The following SMYD3 variants were observed in gnomAD, a reference collection of about 807,000 sequenced individuals.
SMYD3 encodes SET and MYND domain containing 3.
In SMYD3, 36 loss-of-function variants were observed where a neutral mutation model predicts 57.7. That is an observed-to-expected ratio of 0.62 (90% CI 0.48 to 0.82). The LOEUF is 0.82. SMYD3 is among the 40% of genes least tolerant of loss of function. The pLI, the probability that SMYD3 is intolerant of heterozygous loss-of-function variation, is 0.00. For missense variants in SMYD3, 515 were observed against 538.8 expected (o/e 0.96, Z 0.44); for synonymous variants, 211 against 195.0 (o/e 1.08, Z -0.68).
rs143405981 is a variant in SMYD3 at position 245,761,582 on chromosome 1, A to G, written c.1185+2459T>C. ...TAAGAAGCAATCTAAATCTTCTCTG[A>G]TTTCTCTCCCATATTTTTCCCTGAG... On this transcript the variant is annotated intron_variant, in intron 11 of 11. Transcript: ENST00000490107. Among the ~76,000 whole-genome samples the G allele has an allele frequency of 7.2e-5, 11 of 152,174 alleles. No individual in the cohort carries two copies. In the East Asian group the frequency reaches 1.7e-3, roughly 24 times the overall value.
chr1:246,169,409 T>C (rs1254319162), intron 5 of SMYD3, among the ~76,000 whole-genome samples: 1 of 112,116 alleles, frequency 8.9e-6, no homozygotes, highest in Non-Finnish European at 1.8e-5. Context: ...AAAAAACCTC[T>C]AACAATATAT....
Position 246,343,516 on chromosome 1 carries a change from G to A in SMYD3, c.229-8042C>T, listed in dbSNP as rs2065663382. 2.0e-5 allele frequency among the ~76,000 whole-genome samples: 3 copies of A among 152,286 alleles called. No homozygotes were observed. The South Asian group carries it at 6.2e-4, about 32-fold the overall frequency. Reference sequence around the variant, plus strand: ...CACATGTAGGGACAGTCCCATCTGAGAGGGAAGGTCAGCCTGCCAAGCAGA... The same window carrying A: ...CACATGTAGGGACAGTCCCATCTGAAAGGGAAGGTCAGCCTGCCAAGCAGA... On this transcript the variant is annotated intron_variant, in intron 2 of 11. Transcript: ENST00000490107.
chr1:246,316,803 G>A (rs1443272718), intron 5 of SMYD3, among the ~76,000 whole-genome samples: 2 of 150,814 alleles, frequency 1.3e-5, no homozygotes, highest in South Asian at 4.2e-4. Context: ...AGACCATCCT[G>A]GCCAACATGG....
chr1:245,909,948 T>A (rs946911637), intron 8 of SMYD3, among the ~76,000 whole-genome samples: 1 of 152,106 alleles, frequency 6.6e-6, no homozygotes, highest in Non-Finnish European at 1.5e-5. Context: ...AACACAGTAC[T>A]GGAATTCCTA....
intron 1 of SMYD3, among the ~76,000 whole-genome samples, chr1:246,402,779 G>C: frequency 6.6e-6 from 1 of 152,202 alleles, no homozygotes; most frequent in Non-Finnish European, 1.5e-5. Flanking sequence ...ATAGCCACCT[G>C]CAACGAGCAA....
intron 5 of SMYD3, among the ~76,000 whole-genome samples, chr1:246,239,736 A>G (rs1309500485): frequency 3.9e-5 from 6 of 151,944 alleles, no homozygotes; most frequent in African/African-American, 1.5e-4. Context: ...ATTTCTCCAC[A>G]TCTTCTCCAG....
At chr1:246,221,593 C>T (rs1040817393) in intron 5 of SMYD3, among the ~76,000 whole-genome samples, 20 of 152,188 alleles carry the variant, frequency 1.3e-4, no homozygotes, top group African/African-American at 3.9e-4. Flanking sequence ...CCACATTCCC[C>T]GGTGCCAGAC....
intron 5 of SMYD3, among the ~76,000 whole-genome samples, chr1:246,255,741 G>T (rs906216397): frequency 6.7e-6 from 1 of 149,090 alleles, no homozygotes; most frequent in Non-Finnish European, 1.5e-5. Flanking sequence ...ACATCTGGCA[G>T]AATCTGGCAG....
chr1:246,220,556 T>G (rs72774461), intron 5 of SMYD3, among the ~76,000 whole-genome samples: 27,017 of 152,108 alleles, frequency 0.18, 2,784 homozygotes, highest in East Asian at 0.34. Flanking sequence ...CTGCCTGGCT[T>G]CTCTCTGCTA....
chr1:246,064,650 C>A (rs936490056), intron 5 of SMYD3, among the ~76,000 whole-genome samples: 2 of 152,202 alleles, frequency 1.3e-5, no homozygotes, highest in Non-Finnish European at 2.9e-5. Context: ...GGTGGGACTG[C>A]GTATCCCCAG....
intron 5 of SMYD3, among the ~76,000 whole-genome samples, chr1:246,173,389 A>C (rs1286358859): frequency 1.3e-5 from 2 of 152,222 alleles, no homozygotes; most frequent in Non-Finnish European, 1.5e-5. Flanking sequence ...ACATTTATTA[A>C]AAATCTTTTT....
intron 10 of SMYD3, among the ~76,000 whole-genome samples, chr1:245,784,579 G>A (rs1172609761): frequency 6.6e-6 from 1 of 152,070 alleles, no homozygotes; most frequent in African/African-American, 2.4e-5. Flanking sequence ...ACCAAAAAAT[G>A]AACTCAAGCA....
At chr1:245,801,231 GT>G (rs1363033425) in intron 10 of SMYD3, among the ~76,000 whole-genome samples, 1 of 152,196 alleles carries the variant, frequency 6.6e-6, no homozygotes, top group Admixed American at 6.5e-5. Context: ...TTAAAAATGT[GT>G]TTGATGCTTT....
intron 5 of SMYD3, among the ~76,000 whole-genome samples, chr1:246,170,721 G>A (rs953838160): frequency 6.6e-6 from 1 of 151,958 alleles, no homozygotes; most frequent in African/African-American, 2.4e-5. Flanking sequence ...TCTTCCAAAT[G>A]AACACTAAAA....
intron 5 of SMYD3, among the ~76,000 whole-genome samples, chr1:246,233,108 T>G (rs2063444935): frequency 1.5e-5 from 2 of 130,536 alleles, no homozygotes; most frequent in Admixed American, 7.8e-5. Context: ...ACTCCTTCAA[T>G]CCACACTGTG....
intron 5 of SMYD3, among the ~76,000 whole-genome samples, chr1:245,969,430 A>G (rs888228661): frequency 1.3e-5 from 2 of 152,212 alleles, no homozygotes; most frequent in African/African-American, 4.8e-5. Flanking sequence ...CACTAAGCAA[A>G]GCCTCGCTTG....
rs1056368920 is a variant in SMYD3 at position 245,765,744 on chromosome 1, C to T, written c.1077-1595G>A. On this transcript the variant is annotated intron_variant, in intron 10 of 11. Coordinates refer to ENST00000490107, the MANE Select transcript of SMYD3 (RefSeq NM_001167740.2). ...AACGAGCAAGGGCACACTCTAAATGCTGCTTCTCCAGGGACGGAGGTGCCT... is the reference window on the plus strand; with the variant it reads ...AACGAGCAAGGGCACACTCTAAATGTTGCTTCTCCAGGGACGGAGGTGCCT... 2.6e-5 allele frequency among the ~76,000 whole-genome samples: 4 copies of T among 152,112 alleles called. 1 individual carries two copies. The highest frequency in any genetic ancestry group is 5.9e-5 in the Non-Finnish European group (4 of 68,038).
chr1:245,881,086 A>G (rs1164798446), intron 8 of SMYD3, among the ~76,000 whole-genome samples: 3 of 152,216 alleles, frequency 2.0e-5, no homozygotes. Context: ...TGTTCATTAT[A>G]AAAATATACA....
chr1:246,495,218 G>T (rs987845055), intron 1 of SMYD3, among the ~76,000 whole-genome samples: 1 of 151,710 alleles, frequency 6.6e-6, no homozygotes, highest in Admixed American at 6.6e-5. Flanking sequence ...GCGTGGTGGC[G>T]GGCGCCTGTA....
Sources: gnomAD v4.1 joint callset for allele counts (sites outside exome capture counted in the v4.1 genomes callset) on GRCh38, gnomAD v4.1.1 for gene constraint, MANE v1.5 for transcripts, NCBI Gene and HGNC (gene_info 2026-07-23, HGNC 2026-07-21) for gene names.